The following CWC27 variants were observed in gnomAD, a reference collection of about 807,000 sequenced individuals.
CWC27 encodes spliceosome-associated protein CWC27 homolog.
Under a neutral mutation model 63.6 loss-of-function variants are expected in CWC27, and 47 were observed. That is an observed-to-expected ratio of 0.74 (90% CI 0.58 to 0.94). The LOEUF (loss-of-function observed/expected upper bound fraction) is 0.94. CWC27 is among the 40% of genes least tolerant of loss of function. The probability of loss-of-function intolerance (pLI) is 0.00; values close to 1 mark genes in which losing one functional copy is unlikely to be tolerated. For missense variants in CWC27, 495 were observed against 554.3 expected, an observed-to-expected ratio of 0.89 and a Z score of 1.07; for synonymous variants, 175 against 179.8, an observed-to-expected ratio of 0.97 and a Z score of 0.22.
At chr5:64,831,318 T>C (rs1392567470) in intron 10 of CWC27, among the ~76,000 whole-genome samples, 2 of 151,840 alleles carry the variant, frequency 1.3e-5, no homozygotes, top group Non-Finnish European at 2.9e-5. Flanking sequence ...AATCCCTACT[T>C]TCCTCCCCTC....
intron 11 of CWC27, among the ~76,000 whole-genome samples, chr5:64,901,148 A>G (rs1444921830): frequency 3.3e-5 from 5 of 152,182 alleles, no homozygotes; most frequent in Non-Finnish European, 7.3e-5. Flanking sequence ...TGTATAGCAT[A>G]TTACTGTACT....
chr5:64,807,135 T>C (rs1744705169), intron 10 of CWC27, among the ~76,000 whole-genome samples: 1 of 152,222 alleles, frequency 6.6e-6, no homozygotes, highest in African/African-American at 2.4e-5. Context: ...AGTACTCTAT[T>C]ATCCTTTGGT....
Position 64,883,491 on chromosome 5 carries a change from T to C in CWC27, c.939-1952T>C, listed in dbSNP as rs550170534. On this transcript the variant is annotated intron_variant, in intron 10 of 13. Coordinates refer to ENST00000381070, the MANE Select transcript of CWC27 (RefSeq NM_005869.4). Reference sequence around the variant, plus strand: ...ATGAGAAAAATGTCAACAATTATAATATGGGAAGAAAAAGAGTAACCAGGA... The same window carrying C: ...ATGAGAAAAATGTCAACAATTATAACATGGGAAGAAAAAGAGTAACCAGGA... Among the ~76,000 whole-genome samples the C allele has an allele frequency of 1.4e-4, 21 of 152,084 alleles. No individual in the cohort carries two copies. In the South Asian group the frequency reaches 3.1e-3, roughly 23 times the overall value.
At chr5:64,814,066 G>A (rs1057310402) in intron 10 of CWC27, among the ~76,000 whole-genome samples, 1 of 147,692 alleles carries the variant, frequency 6.8e-6, no homozygotes. Context: ...AACATTATGA[G>A]ATTTTTTTTG....
At chr5:64,812,293 A>G (rs1020713588) in intron 10 of CWC27, among the ~76,000 whole-genome samples, 1 of 152,124 alleles carries the variant, frequency 6.6e-6, no homozygotes, top group African/African-American at 2.4e-5. Flanking sequence ...CAAACCATTG[A>G]AATTATCATC....
chr5:64,903,494 G>A (rs2112367077), intron 11 of CWC27, among the ~76,000 whole-genome samples: 1 of 151,884 alleles, frequency 6.6e-6, no homozygotes, highest in South Asian at 2.1e-4. Context: ...CATGGACACA[G>A]GGAGGGGAAC....
At chr5:64,905,243 C>G (rs1000535964) in intron 11 of CWC27, among the ~76,000 whole-genome samples, 4 of 142,676 alleles carry the variant, frequency 2.8e-5, no homozygotes, top group African/African-American at 1.1e-4. Context: ...GAATGCATAT[C>G]TTTTCTTTCC....
At chr5:64,911,293 C>A (rs998109700) in intron 11 of CWC27, among the ~76,000 whole-genome samples, 3 of 152,082 alleles carry the variant, frequency 2.0e-5, no homozygotes, top group Admixed American at 2.0e-4. Context: ...CCTGTAGTCA[C>A]AGAGTAAAAT....
At position 64,898,315 on chromosome 5, in the gene CWC27, G is replaced by A. The variant is rs148558202; in HGVS notation, c.1042+12769G>A. On this transcript the variant is annotated intron_variant, in intron 11 of 13. Transcript: ENST00000381070. ...CTATAGAAGTTCCCCACGTAAAGAA[G>A]CCTTAAAAAAAAAATACAAAACGCA... Among the ~76,000 whole-genome samples, 3 of 151,178 alleles carry A rather than the reference G, an allele frequency of 2.0e-5. No individual in the cohort carries two copies. The East Asian group carries it at 5.8e-4, about 29-fold the overall frequency.
At chr5:64,961,931 T>A (rs567091522) in intron 11 of CWC27, among the ~76,000 whole-genome samples, 1 of 152,212 alleles carries the variant, frequency 6.6e-6, no homozygotes, top group African/African-American at 2.4e-5. Context: ...CTGTTTAGCA[T>A]GTATTTCATA....
intron 10 of CWC27, among the ~76,000 whole-genome samples, chr5:64,867,547 T>C (rs1031171727): frequency 1.3e-5 from 2 of 152,028 alleles, no homozygotes; most frequent in African/African-American, 4.8e-5. Context: ...AAGACTGCAG[T>C]GAGTCTAAGT....
At chr5:64,821,335 G>A (rs146705777) in intron 10 of CWC27, among the ~76,000 whole-genome samples, 6 of 152,086 alleles carry the variant, frequency 3.9e-5, no homozygotes, top group African/African-American at 7.2e-5. Context: ...CACCATGCCC[G>A]GCCAACAAAG....
chr5:64,780,681 ACACACGCG>A (rs932481763), intron 2 of CWC27, among the ~76,000 whole-genome samples: 13 of 57,708 alleles, frequency 2.3e-4, no homozygotes, highest in African/African-American at 5.7e-4. Context: ...TCACTTGTAT[ACACACGCG>A]CACACGCGCG....
At chr5:64,826,582 G>T (rs1403253824) in intron 10 of CWC27, among the ~76,000 whole-genome samples, 1 of 151,908 alleles carries the variant, frequency 6.6e-6, no homozygotes, top group Non-Finnish European at 1.5e-5. Flanking sequence ...TGATCAATCA[G>T]TTTTTTTGAC....
rs534525138 is a variant in CWC27, at chr5:64,840,361, TTAAAAAAAA to T, written c.938+35976_938+35984del. Among the ~76,000 whole-genome samples, 111 of 35,792 alleles carry T rather than the reference TTAAAAAAAA, an allele frequency of 3.1e-3. 14 individuals carry two copies. The highest frequency in any genetic ancestry group is 0.017 in the South Asian group (9 of 530). 23.5% of individuals were successfully genotyped at this position (35,792 alleles called of 152,430 possible). ...CTTTGTGTGTTTTTATCCTTTTTCA[TTAAAAAAAA>T]AAAAAAAAAAAAAAAAAAAAAAAAA... On this transcript the variant is annotated intron_variant, in intron 10 of 13. Coordinates refer to ENST00000381070, the MANE Select transcript of CWC27 (RefSeq NM_005869.4).
intron 10 of CWC27, among the ~76,000 whole-genome samples, chr5:64,808,977 T>A (rs945396394): frequency 6.6e-6 from 1 of 152,140 alleles, no homozygotes; most frequent in East Asian, 1.9e-4. Context: ...TATTTCATAG[T>A]GCACATAAGT....
At chr5:64,849,895 A>G (rs1480577853) in intron 10 of CWC27, among the ~76,000 whole-genome samples, 1 of 152,102 alleles carries the variant, frequency 6.6e-6, no homozygotes, top group Non-Finnish European at 1.5e-5. Context: ...CTTCCCAGCC[A>G]TCTGGAACTG....
chr5:64,807,870 C>T, intron 10 of CWC27: 2 of 1,489,238 alleles, frequency 1.3e-6, no homozygotes, highest in Admixed American at 2.2e-5. Context: ...ACTAACAAAA[C>T]CATTCCATTT....
At chr5:64,822,805 A>G (rs547053159) in intron 10 of CWC27, among the ~76,000 whole-genome samples, 220 of 152,312 alleles carry the variant, frequency 1.4e-3, no homozygotes, top group African/African-American at 4.9e-3. Context: ...GAAAAGAGTA[A>G]TATGAGTAGG....
Sources: gnomAD v4.1 joint callset for allele counts (sites outside exome capture counted in the v4.1 genomes callset) on GRCh38, gnomAD v4.1.1 for gene constraint, MANE v1.5 for transcripts, NCBI Gene and HGNC (gene_info 2026-07-23, HGNC 2026-07-21) for gene names.